NXN: variants seen among roughly 807,000 people sequenced by gnomAD.
NXN encodes nucleoredoxin 1.
NXN carries 16 observed loss-of-function variants against 48.6 expected under a neutral mutation model. That is an observed-to-expected ratio of 0.33 (90% CI 0.22 to 0.50). The LOEUF (loss-of-function observed/expected upper bound fraction) is 0.50, where lower values mean the gene tolerates loss of function less well. Ranked by LOEUF, NXN falls within the 20% of genes least tolerant of loss-of-function variation. The pLI is 0.98. For synonymous variants in NXN, 281 were observed against 269.6 expected (o/e 1.04, Z -0.41); for missense variants, 492 against 605.5 (o/e 0.81, Z 1.97).
chr17:928,348 T>C (rs935138459), intron 1 of NXN, among the ~76,000 whole-genome samples: 5 of 152,164 alleles, frequency 3.3e-5, no homozygotes, highest in Non-Finnish European at 5.9e-5. Flanking sequence ...TTCGGTGAGA[T>C]TTCCTATGGA....
At chr17:836,110 CCA>C (rs890040153) in intron 1 of NXN, among the ~76,000 whole-genome samples, 2 of 129,398 alleles carry the variant, frequency 1.5e-5, no homozygotes, top group Non-Finnish European at 3.3e-5. Context: ...TCGTCAGCCC[CCA>C]CAGAGGCCGC....
chr17:911,574 C>A (rs946823098), intron 1 of NXN, among the ~76,000 whole-genome samples: 1 of 151,852 alleles, frequency 6.6e-6, no homozygotes, highest in Non-Finnish European at 1.5e-5. Flanking sequence ...TGTGATCCAC[C>A]CGTCTCAGCC....
chr17:917,102 C>T lies in NXN; in HGVS notation c.360+62217G>A, dbSNP rs1034699717. 6.6e-6 allele frequency among the ~76,000 whole-genome samples: 1 copy of T among 152,072 alleles called. No individual in the cohort carries two copies. The highest frequency in any genetic ancestry group is 2.1e-4 in the South Asian group (1 of 4,828). ...AATCAAACATCCGCTTTGCCTCCAA[C>T]AAGATTCCCTGTTCCTAAGTGAACC... On this transcript the variant is annotated intron_variant, in intron 1 of 7. Transcript: ENST00000336868. This position sits in a 1 kb window ranked among gnomAD's most constrained non-coding sequence, Gnocchi z 4.5.
At chr17:961,486 G>T (rs543125058) in intron 1 of NXN, among the ~76,000 whole-genome samples, 1 of 152,290 alleles carries the variant, frequency 6.6e-6, no homozygotes, top group East Asian at 1.9e-4. Flanking sequence ...GGATTTCCAG[G>T]GTCTCACTAG....
chr17:858,311 G>A (rs599689), intron 1 of NXN, among the ~76,000 whole-genome samples: 7,269 of 151,940 alleles, frequency 0.048, 554 homozygotes, highest in African/African-American at 0.16. Context: ...GAGCCACCAC[G>A]TCCAGCCTAA....
chr17:819,627 G>T, intron 4 of NXN, 82 bp from the exon 5 acceptor site: 1 of 1,005,046 alleles, frequency 9.9e-7, no homozygotes, highest in Admixed American at 2.3e-5. Flanking sequence ...GCCGAGTTCT[G>T]CCCAGGGATT....
At chr17:967,915 C>T (rs1393337405) in intron 1 of NXN, among the ~76,000 whole-genome samples, 1 of 150,972 alleles carries the variant, frequency 6.6e-6, no homozygotes, top group African/African-American at 2.4e-5. Flanking sequence ...GAGCTTGCAG[C>T]AAGCTGAGAT....
At chr17:806,089 G>A (rs556083432) in intron 5 of NXN, among the ~76,000 whole-genome samples, 13 of 147,644 alleles carry the variant, frequency 8.8e-5, no homozygotes, top group East Asian at 4.2e-4. Context: ...CCGGAGACTC[G>A]AAGAGGAGGA....
chr17:809,419 G>A (rs1352914340), intron 5 of NXN, among the ~76,000 whole-genome samples: 1 of 152,198 alleles, frequency 6.6e-6, no homozygotes, highest in Non-Finnish European at 1.5e-5. Context: ...CGCCGAGACT[G>A]TCCCACGGTT....
intron 1 of NXN, among the ~76,000 whole-genome samples, chr17:829,504 G>A (rs1913333289): frequency 6.7e-6 from 1 of 148,904 alleles, no homozygotes; most frequent in Non-Finnish European, 1.5e-5. Context: ...TGCAGAATGT[G>A]CAGGTTTGTT....
At chr17:846,702 A>T (rs994021391) in intron 1 of NXN, among the ~76,000 whole-genome samples, 1 of 114,174 alleles carries the variant, frequency 8.8e-6, no homozygotes, top group Non-Finnish European at 1.7e-5. Context: ...TACGTTAAAG[A>T]AAAGTGGAGG....
At chr17:877,296 G>A (rs936774770) in intron 1 of NXN, among the ~76,000 whole-genome samples, 7 of 151,706 alleles carry the variant, frequency 4.6e-5, no homozygotes, top group African/African-American at 1.7e-4. Flanking sequence ...ACTGGCGCCC[G>A]CCACCAAGCC....
chr17:905,694 G>A (rs2068575784), intron 1 of NXN, among the ~76,000 whole-genome samples: 1 of 152,078 alleles, frequency 6.6e-6, no homozygotes, highest in Admixed American at 6.6e-5. Flanking sequence ...AAAAAGGGTT[G>A]GGCATGGCAT....
At position 932,174 on chromosome 17, in the gene NXN, A is replaced by G. The variant is rs557522924; in HGVS notation, c.360+47145T>C. 1.6e-4 allele frequency among the ~76,000 whole-genome samples: 25 copies of G among 152,328 alleles called. No homozygotes were observed. Among genetic ancestry groups the G allele is most frequent in the Admixed American group, 7.8e-4 (12 of 15,302 alleles). On this transcript the variant is annotated intron_variant, in intron 1 of 7. Coordinates refer to ENST00000336868, the MANE Select transcript of NXN (RefSeq NM_022463.5). This position sits in a 1 kb window ranked among gnomAD's most constrained non-coding sequence, Gnocchi z 4.1. ...TAAAACAAAACGAACAATTTTAGAA[A>G]TGTTTAATTATTTGGAATCCTGGAA...
chr17:957,631 CAA>C (rs34940337), intron 1 of NXN, among the ~76,000 whole-genome samples: 16 of 131,872 alleles, frequency 1.2e-4, no homozygotes, highest in Admixed American at 1.6e-4. Context: ...GACTCCATCT[CAA>C]AAAAAAAAAA....
intron 1 of NXN, among the ~76,000 whole-genome samples, chr17:973,147 T>C (rs1440995369): frequency 6.6e-6 from 1 of 152,140 alleles, no homozygotes; most frequent in Non-Finnish European, 1.5e-5. Context: ...GCAAGAGCTG[T>C]GGACGGCTAC....
intron 1 of NXN, chr17:959,248 CT>C: frequency 1.3e-6 from 1 of 753,796 alleles, no homozygotes; most frequent in Non-Finnish European, 1.9e-6. Context: ...CTCCCAGCCC[CT>C]CCAAAGCCTT....
At position 854,305 on chromosome 17, in the gene NXN, T is replaced by C. The variant is rs529078194; in HGVS notation, c.361-28227A>G. The stretch of plus-strand genomic sequence containing the variant: ...TCCTGCCGCTAGAATATTTTTCAGT[T>C]AGACAGATATAGAACGATCCCACCT... On this transcript the variant is annotated intron_variant, in intron 1 of 7. Transcript: ENST00000336868. Among the ~76,000 whole-genome samples the C allele has an allele frequency of 2.6e-5, 4 of 152,268 alleles. No homozygotes were observed. The East Asian group carries it at 7.7e-4, about 29-fold the overall frequency.
At position 950,775 on chromosome 17, in the gene NXN, A is replaced by T. The variant is rs183743751; in HGVS notation, c.360+28544T>A. Among the ~76,000 whole-genome samples the T allele has an allele frequency of 2.6e-5, 4 of 152,240 alleles. No homozygotes were observed. The East Asian group carries it at 7.7e-4, about 29-fold the overall frequency. On this transcript the variant is annotated intron_variant, in intron 1 of 7. Coordinates refer to ENST00000336868, the MANE Select transcript of NXN (RefSeq NM_022463.5). ...AGGACCACAGAGACAACCCAGTGGG[A>T]CACGCAACACTGTTCCCAAGATGTT... is the stretch of plus-strand genomic sequence containing the variant.
Sources: allele counts gnomAD v4.1 joint callset (sites outside exome capture counted in the v4.1 genomes callset), GRCh38; gene constraint gnomAD v4.1.1; non-coding constraint Gnocchi (gnomAD v3.1); transcripts MANE v1.5; gene names NCBI Gene and HGNC (gene_info 2026-07-23, HGNC 2026-07-21).